LCMT1: variants seen among roughly 807,000 people sequenced by gnomAD.
The protein encoded by LCMT1 is [Phosphatase 2A protein]-leucine-carboxy methyltransferase 1.
Under a neutral mutation model 47.7 loss-of-function variants are expected in LCMT1, and 32 were observed. That is an observed-to-expected ratio of 0.67 (90% CI 0.51 to 0.90). The LOEUF is 0.90. Among genes scored for constraint, LCMT1 ranks in the 40% least tolerant of loss-of-function variants. The pLI, the probability that LCMT1 is intolerant of heterozygous loss-of-function variation, is 0.00. For synonymous variants in LCMT1, 152 were observed against 149.7 expected (o/e 1.02, Z -0.11); for missense variants, 375 against 415.2 (o/e 0.90, Z 0.84).
chr16:25,154,723 C>T (rs549115051), intron 5 of LCMT1, among the ~76,000 whole-genome samples: 202 of 151,854 alleles, frequency 1.3e-3, no homozygotes, highest in African/African-American at 4.8e-3. Context: ...CTCCTGACCT[C>T]GTGATCCACC....
At chr16:25,126,616 C>T (rs1227081313) in intron 1 of LCMT1, among the ~76,000 whole-genome samples, 1 of 152,202 alleles carries the variant, frequency 6.6e-6, no homozygotes, top group Non-Finnish European at 1.5e-5. Flanking sequence ...GGCAGACACC[C>T]ACATGTTCCT....
chr16:25,123,426 T>C (rs1960059286), intron 1 of LCMT1, among the ~76,000 whole-genome samples: 1 of 151,894 alleles, frequency 6.6e-6, no homozygotes, highest in African/African-American at 2.4e-5. Context: ...AGTTTCGCCA[T>C]GTTGGCCAGG....
At chr16:25,132,290 T>C in intron 2 of LCMT1, 112 bp from the exon 3 acceptor site, 1 of 1,332,098 alleles carries the variant, frequency 7.5e-7, no homozygotes, top group South Asian at 1.4e-5. Context: ...CCTCTGACAC[T>C]GCAGAAGGGC....
intron 5 of LCMT1, among the ~76,000 whole-genome samples, chr16:25,156,216 TC>T (rs1216358204): frequency 6.6e-6 from 1 of 152,174 alleles, no homozygotes; most frequent in Non-Finnish European, 1.5e-5. Flanking sequence ...TCTTTCAGTT[TC>T]CTCATGGTAC....
At chr16:25,124,158 C>T (rs962657130) in intron 1 of LCMT1, among the ~76,000 whole-genome samples, 4 of 152,162 alleles carry the variant, frequency 2.6e-5, no homozygotes, top group Admixed American at 6.5e-5. Context: ...AAAGCAGTAT[C>T]TTTTCAGGAA....
intron 10 of LCMT1, among the ~76,000 whole-genome samples, chr16:25,175,724 C>G (rs1340923171): frequency 6.6e-6 from 1 of 152,140 alleles, no homozygotes; most frequent in Non-Finnish European, 1.5e-5. Context: ...AGCCACTGTG[C>G]CTGGCCGGAA....
intron 3 of LCMT1, among the ~76,000 whole-genome samples, chr16:25,136,860 C>T (rs937904347): frequency 1.7e-4 from 26 of 152,034 alleles, no homozygotes; most frequent in Admixed American, 9.8e-4. Flanking sequence ...TTAAGCGCTC[C>T]GGGTGTGCCT....
intron 4 of LCMT1, chr16:25,140,543 A>G (rs1960654531): frequency 2.7e-6 from 1 of 371,672 alleles, no homozygotes; most frequent in Non-Finnish European, 4.9e-6. Context: ...CTTGTACTCA[A>G]GTACTAGGGA....
chr16:25,139,352 A>G (rs938353562), intron 3 of LCMT1, among the ~76,000 whole-genome samples: 3 of 152,004 alleles, frequency 2.0e-5, no homozygotes, highest in African/African-American at 4.8e-5. Flanking sequence ...ATACTTCACT[A>G]TCACAGAGAA....
chr16:25,113,101 A>G (rs934099952), intron 1 of LCMT1, among the ~76,000 whole-genome samples: 25 of 131,176 alleles, frequency 1.9e-4, no homozygotes, highest in African/African-American at 6.9e-4. Flanking sequence ...AGATCACGCT[A>G]TTGCACTCCA....
intron 8 of LCMT1, among the ~76,000 whole-genome samples, chr16:25,169,796 C>T (rs1961697800): frequency 6.6e-6 from 1 of 152,080 alleles, no homozygotes; most frequent in South Asian, 2.1e-4. Context: ...AGGATTTAAA[C>T]ATTGTCCACA....
chr16:25,149,940 T>C (rs1029266028), intron 4 of LCMT1, among the ~76,000 whole-genome samples: 11 of 150,354 alleles, frequency 7.3e-5, no homozygotes, highest in Non-Finnish European at 1.2e-4. Context: ...AAAAGTAGGT[T>C]ACCTGGTCCA....
chr16:25,122,259 G>T (rs1960013008), intron 1 of LCMT1, among the ~76,000 whole-genome samples: 1 of 151,546 alleles, frequency 6.6e-6, no homozygotes, highest in African/African-American at 2.4e-5. Context: ...CTTAAAATCT[G>T]CTCATTGTCA....
intron 1 of LCMT1, among the ~76,000 whole-genome samples, chr16:25,115,347 G>T (rs192947017): frequency 6.6e-6 from 1 of 152,128 alleles, no homozygotes; most frequent in East Asian, 1.9e-4. Flanking sequence ...CTTGCCCTTT[G>T]GTCTTAGTAG....
At chr16:25,112,825 T>C (rs1959664441) in intron 1 of LCMT1, among the ~76,000 whole-genome samples, 1 of 151,544 alleles carries the variant, frequency 6.6e-6, no homozygotes, top group South Asian at 2.1e-4. Flanking sequence ...GCCATTAGAG[T>C]TTGTAATTTT....
In LCMT1 at chr16:25,115,585, A is replaced by C. The variant is rs142730144; in HGVS notation, c.113+3589A>C. On this transcript the variant is annotated intron_variant, in intron 1 of 10. Coordinates refer to ENST00000399069, the MANE Select transcript of LCMT1 (RefSeq NM_016309.3). ...TTTCTTCAGACTTCTGATTTACCCC[A>C]CTCCTTTTTCATTCTCAAGATAATA... Among the ~76,000 whole-genome samples, 883 of 151,842 alleles carry C rather than the reference A, an allele frequency of 5.8e-3. 14 individuals are homozygous for C. Among genetic ancestry groups the C allele is most frequent in the African/African-American group, 0.02 (837 of 41,366 alleles).
At chr16:25,168,056 C>CT (rs539625984) in intron 7 of LCMT1, among the ~76,000 whole-genome samples, 9,941 of 143,032 alleles carry the variant, frequency 0.07, 409 homozygotes, top group East Asian at 0.14. Flanking sequence ...CGCACCCAGC[C>CT]TTTTTTTTTT....
At chr16:25,132,096 C>G (rs772175655) in intron 2 of LCMT1, 6 of 432,114 alleles carry the variant, frequency 1.4e-5, no homozygotes, top group South Asian at 1.1e-4. Context: ...AGGCACATTT[C>G]CAAGATGGAC....
rs1961082250 is a variant in LCMT1, at chr16:25,151,602, C to T, written c.453C>T (p.Asp151=). ...SSPILELHSE[D]TLQMDGHILD... The stretch of plus-strand genomic sequence containing the variant: ...CCATTCTAGAACTGCATTCAGAGGA[C>T]ACACTTCAGATGGGCAAGTATCAAG... Residue 151 remains aspartate, a synonymous_variant, in exon 5 of 11, where the codon GAC becomes GAT. Coordinates refer to ENST00000399069, the MANE Select transcript of LCMT1 (RefSeq NM_016309.3). 2 of 1,613,128 alleles carry T rather than the reference C, an allele frequency of 1.2e-6. No homozygotes were observed.
Sources: allele counts gnomAD v4.1 joint callset (sites outside exome capture counted in the v4.1 genomes callset), GRCh38; gene constraint gnomAD v4.1.1; transcripts MANE v1.5; gene names NCBI Gene and HGNC (gene_info 2026-07-23, HGNC 2026-07-21).